Variants in TUBGCP3 observed in about 807,000 individuals in gnomAD.
The protein encoded by TUBGCP3 is gamma-tubulin complex component 3.
A neutral mutation model predicts 123.1 loss-of-function variants in TUBGCP3; 50 were observed. The observed-to-expected ratio is 0.41, with a 90% CI of 0.32 to 0.51. The LOEUF is 0.51. Ranked by LOEUF, TUBGCP3 falls within the 20% of genes least tolerant of loss-of-function variation. The pLI is 0.36. For missense variants in TUBGCP3, 882 were observed against 1,127.0 expected, an observed-to-expected ratio of 0.78 and a Z score of 3.11; for synonymous variants, 405 against 413.9, an observed-to-expected ratio of 0.98 and a Z score of 0.26.
chr13:112,604,500 G>A, the TUBGCP3 span: 1 of 152,268 alleles, frequency 6.6e-6, no homozygotes, highest in East Asian at 1.9e-4. Flanking sequence ...GTCTTGACAT[G>A]TTGCCTAGAC....
chr13:112,586,403 G>T (rs1882612182), intron 1 of TUBGCP3, among the ~76,000 whole-genome samples: 1 of 152,082 alleles, frequency 6.6e-6, no homozygotes, highest in Non-Finnish European at 1.5e-5. Flanking sequence ...CATTAAGGTG[G>T]GTAAGTCCTA....
chr13:112,486,195 C>G, intron 21 of TUBGCP3, 44 bp from the exon 22 acceptor site: 1 of 1,608,078 alleles, frequency 6.2e-7, no homozygotes, highest in Non-Finnish European at 8.5e-7. Flanking sequence ...CAGAAAAGAA[C>G]AACCCACAAA....
At chr13:112,514,199 C>T (rs1875877516) in intron 17 of TUBGCP3, among the ~76,000 whole-genome samples, 1 of 149,270 alleles carries the variant, frequency 6.7e-6, no homozygotes, top group South Asian at 2.1e-4. Flanking sequence ...CTGTGCCTAA[C>T]CTATAAGTTA....
chr13:112,486,904 C>A (rs138902048), intron 21 of TUBGCP3, among the ~76,000 whole-genome samples: 5 of 152,242 alleles, frequency 3.3e-5, no homozygotes, highest in African/African-American at 7.2e-5. Context: ...TGCGTCCTCA[C>A]CAAGCCCCGC....
rs202241711 is a variant in TUBGCP3, at chr13:112,540,578, C to T, written c.1335+5121G>A. ...GGGAAAGGACACCTGGGAATGAGGA[C>T]GTCAATGTAGTAGCCTATGAGCATT... On this transcript the variant is annotated intron_variant, in intron 11 of 21. Transcript: ENST00000261965. 1.0e-3 allele frequency among the ~76,000 whole-genome samples: 141 copies of T among 139,504 alleles called. 5 individuals carry two copies. Among genetic ancestry groups the T allele is most frequent in the African/African-American group, 3.8e-3 (139 of 36,234 alleles). 91.5% of individuals were successfully genotyped at this position (139,504 alleles called of 152,430 possible).
chr13:112,540,233 G>A (rs113549854), intron 11 of TUBGCP3, among the ~76,000 whole-genome samples: 2 of 144,330 alleles, frequency 1.4e-5, no homozygotes, highest in Non-Finnish European at 3.1e-5. Flanking sequence ...GAGCATTCAG[G>A]TGGTCTTGGG....
At chr13:112,522,883 A>G (rs898231855) in intron 13 of TUBGCP3, among the ~76,000 whole-genome samples, 2 of 152,252 alleles carry the variant, frequency 1.3e-5, no homozygotes, top group Non-Finnish European at 1.5e-5. Context: ...AGACCAAAAC[A>G]GCACATGCAA....
chr13:112,498,248 C>T (rs1201286655), intron 20 of TUBGCP3, among the ~76,000 whole-genome samples: 1 of 152,044 alleles, frequency 6.6e-6, no homozygotes, highest in Non-Finnish European at 1.5e-5. Flanking sequence ...GGTTGAGTAT[C>T]CTTTATCTGA....
At chr13:112,547,466 C>T in intron 10 of TUBGCP3, 154 bp downstream of exon 10, 1 of 1,246,992 alleles carries the variant, frequency 8.0e-7, no homozygotes, top group Non-Finnish European at 1.0e-6. Context: ...GGATGGCGCA[C>T]CCTACAAACG....
chr13:112,572,829 G>A (rs1282035767), intron 1 of TUBGCP3, among the ~76,000 whole-genome samples: 1 of 152,128 alleles, frequency 6.6e-6, no homozygotes, highest in African/African-American at 2.4e-5. Flanking sequence ...ATATGACACA[G>A]AGATACAAAG....
intron 1 of TUBGCP3, among the ~76,000 whole-genome samples, chr13:112,572,101 T>C (rs1881443922): frequency 1.3e-5 from 2 of 152,200 alleles, no homozygotes; most frequent in South Asian, 4.1e-4. Flanking sequence ...TTCAAGAACT[T>C]TTCCTATTCA....
chr13:112,572,204 T>C (rs9577818), intron 1 of TUBGCP3, among the ~76,000 whole-genome samples: 15,858 of 152,318 alleles, frequency 0.1, 1,156 homozygotes, highest in Non-Finnish European at 0.17. Context: ...CATTTCTAGC[T>C]TTTGATTTAA....
chr13:112,550,832 C>T (rs902415741), intron 8 of TUBGCP3, among the ~76,000 whole-genome samples: 6 of 152,202 alleles, frequency 3.9e-5, no homozygotes, highest in Non-Finnish European at 7.3e-5. Flanking sequence ...GGTGCGGTGG[C>T]TCACGCCTGT....
chr13:112,534,420 G>C (rs1419114522), intron 11 of TUBGCP3, among the ~76,000 whole-genome samples: 1 of 152,084 alleles, frequency 6.6e-6, no homozygotes, highest in Non-Finnish European at 1.5e-5. Flanking sequence ...GTGGCAAGGC[G>C]CCTGTGGTCC....
intron 20 of TUBGCP3, 107 bp from the exon 21 acceptor site, chr13:112,489,804 G>T: frequency 1.2e-6 from 1 of 856,124 alleles, no homozygotes; most frequent in East Asian, 2.4e-5. Context: ...TGCTTTTTAT[G>T]CCTCTCTGTA....
Position 112,588,052 on chromosome 13 carries a change from C to CGCGCCCT in TUBGCP3, c.-79_-73dup, listed in dbSNP as rs1882757547. 1 of 1,263,170 alleles carries CGCGCCCT rather than the reference C, an allele frequency of 7.9e-7. No individual in the cohort carries two copies. Among genetic ancestry groups the CGCGCCCT allele is most frequent in the Non-Finnish European group, 1.0e-6 (1 of 969,568 alleles). The allele number at this position is 1,263,170 out of a possible 1,614,324, so 78.2% of individuals were successfully genotyped here. On this transcript the variant is annotated 5_prime_UTR_variant, in exon 1 of 22. Coordinates refer to ENST00000261965, the MANE Select transcript of TUBGCP3 (RefSeq NM_006322.6). Reference sequence around the variant, plus strand: ...CGCCGCACGCGCAGGGACCGCGGCCCGCGCCCTTCCTGCGCCCCGCAAGCT... The same window carrying CGCGCCCT: ...CGCCGCACGCGCAGGGACCGCGGCCCGCGCCCTGCGCCCTTCCTGCGCCCCGCAAGCT...
the TUBGCP3 span, among the ~76,000 whole-genome samples, chr13:112,602,500 A>G: frequency 6.6e-6 from 1 of 152,288 alleles, no homozygotes; most frequent in South Asian, 2.1e-4. Flanking sequence ...GGCACTGAGC[A>G]TTGTACTCCA....
intron 21 of TUBGCP3, among the ~76,000 whole-genome samples, chr13:112,486,446 T>G (rs1252424014): frequency 1.3e-5 from 2 of 152,248 alleles, no homozygotes; most frequent in African/African-American, 4.8e-5. Context: ...TGTTCTTAAG[T>G]TCCACAAGAA....
At chr13:112,588,827 C>T (rs1882804643), upstream of TUBGCP3, among the ~76,000 whole-genome samples, 1 of 152,162 alleles carries the variant, frequency 6.6e-6, no homozygotes, top group Non-Finnish European at 1.5e-5. Flanking sequence ...AAAGAGATCC[C>T]GAGATCCTAT....
Sources: gnomAD v4.1 joint callset for allele counts (sites outside exome capture counted in the v4.1 genomes callset) on GRCh38, gnomAD v4.1.1 for gene constraint, MANE v1.5 for transcripts, NCBI Gene and HGNC (gene_info 2026-07-23, HGNC 2026-07-21) for gene names.